Variants in TMCO5A observed in about 807,000 individuals in gnomAD.
TMCO5A encodes the protein transmembrane and coiled-coil domains 5A, also known as transmembrane and coiled-coil domain-containing protein 5A.
In TMCO5A, 34 loss-of-function variants were observed where a neutral mutation model predicts 42.3. That is an observed-to-expected ratio of 0.80 (90% CI 0.61 to 1.07). The LOEUF is 1.07. Among genes scored for constraint, TMCO5A ranks in the 50% least tolerant of loss-of-function variants. The pLI, the probability that TMCO5A is intolerant of heterozygous loss-of-function variation, is 0.00. For missense variants in TMCO5A, 357 were observed against 327.9 expected (o/e 1.09, Z -0.69); for synonymous variants, 131 against 115.6 (o/e 1.13, Z -0.86).
At chr15:37,958,175 C>T (rs1265156927) in intron 11 of TMCO5A, among the ~76,000 whole-genome samples, 2 of 152,082 alleles carry the variant, frequency 1.3e-5, no homozygotes, top group African/African-American at 4.8e-5. Flanking sequence ...AGGACATAGG[C>T]ATGAGCAAAT....
chr15:38,026,406 A>T, the TMCO5A span, among the ~76,000 whole-genome samples: 1 of 152,162 alleles, frequency 6.6e-6, no homozygotes, highest in Non-Finnish European at 1.5e-5. Context: ...TGGAACTTTG[A>T]ACTTGAGAGA....
chr15:37,936,899 GAGA>G lies in TMCO5A; in HGVS notation c.196_198del (p.Lys66del). ...GGGCCTGGTGGAAGATGAAGAGTGG[GAGA>G]AGGAGAACCGCACCACGATGGAAAG... is the stretch of plus-strand genomic sequence containing the variant. On this transcript the variant is annotated inframe_deletion, in exon 4 of 12. Coordinates refer to ENST00000319669, the MANE Select transcript of TMCO5A (RefSeq NM_152453.4). 3 of 1,612,610 alleles carry G rather than the reference GAGA, an allele frequency of 1.9e-6. No individual in the cohort carries two copies. The highest frequency in any genetic ancestry group is 2.5e-6 in the Non-Finnish European group (3 of 1,179,192).
At position 37,942,224 on chromosome 15, in the gene TMCO5A, G is replaced by A. The variant is rs367993801; in HGVS notation, c.538G>A (p.Glu180Lys). Residue 180 changes from glutamate to lysine, a missense_variant, in exon 9 of 12, where the codon GAA (glutamate) becomes AAA (lysine). Transcript: ENST00000319669. The stretch of plus-strand genomic sequence containing the variant: ...GGAAACGTTGAAGAAAATAGAAGAA[G>A]AACTAGAGGCTCTGTTCCTTGAGAG... ...YQETLKKIEE[E>K]LEALFLEREV... 2 of 1,612,900 alleles carry A rather than the reference G, an allele frequency of 1.2e-6. No homozygotes were observed. The highest frequency in any genetic ancestry group is 1.7e-6 in the Non-Finnish European group (2 of 1,179,244).
chr15:37,955,613 C>T (rs7166573), downstream of TMCO5A, among the ~76,000 whole-genome samples: 1,216 of 152,218 alleles, frequency 8.0e-3, 15 homozygotes, highest in African/African-American at 0.028. Flanking sequence ...CAGAGACCTA[C>T]AAAGAGACTT....
At chr15:37,984,321 CAG>C in the TMCO5A span, among the ~76,000 whole-genome samples, 1 of 151,956 alleles carries the variant, frequency 6.6e-6, no homozygotes, top group Non-Finnish European at 1.5e-5. Context: ...AACTGGGAGA[CAG>C]AGAAGCAGTA....
chr15:37,998,327 T>C, the TMCO5A span, among the ~76,000 whole-genome samples: 10 of 152,184 alleles, frequency 6.6e-5, no homozygotes, highest in Non-Finnish European at 7.4e-5. Flanking sequence ...AGTTTCATAG[T>C]TTGAGGTTTT....
chr15:38,023,160 A>G, the TMCO5A span, among the ~76,000 whole-genome samples: 2,566 of 152,318 alleles, frequency 0.017, 63 homozygotes, highest in African/African-American at 0.057. Flanking sequence ...CAGTAATCGA[A>G]GCAGTGTGGC....
chr15:37,975,515 C>T, the TMCO5A span, among the ~76,000 whole-genome samples: 1 of 150,994 alleles, frequency 6.6e-6, no homozygotes, highest in Non-Finnish European at 1.5e-5. Context: ...CTTTTGATTA[C>T]CATTGGTTTA....
the TMCO5A span, among the ~76,000 whole-genome samples, chr15:37,997,515 C>T: frequency 7.2e-5 from 11 of 152,270 alleles, no homozygotes; most frequent in Non-Finnish European, 1.5e-4. Flanking sequence ...TTCAGTTCCA[C>T]CCATGTTATT....
chr15:37,982,997 G>A, the TMCO5A span, among the ~76,000 whole-genome samples: 2 of 151,614 alleles, frequency 1.3e-5, no homozygotes, highest in Non-Finnish European at 2.9e-5. Flanking sequence ...CCTCATCGTA[G>A]CCTAAAATAA....
At chr15:38,005,804 A>C in the TMCO5A span, among the ~76,000 whole-genome samples, 2 of 152,186 alleles carry the variant, frequency 1.3e-5, no homozygotes, top group African/African-American at 4.8e-5. Context: ...TTAACAGGTC[A>C]TATGAACTTT....
At chr15:37,991,485 A>G in the TMCO5A span, among the ~76,000 whole-genome samples, 1 of 152,064 alleles carries the variant, frequency 6.6e-6, no homozygotes, top group African/African-American at 2.4e-5. Flanking sequence ...GTTTACATTT[A>G]TGTCTTTTAT....
chr15:37,966,483 ATACCC>A (rs1890559193), intron 11 of TMCO5A: 9 of 660,090 alleles, frequency 1.4e-5, no homozygotes, highest in South Asian at 5.1e-5. Flanking sequence ...AACATCTCAT[ATACCC>A]CATAAATATA....
In TMCO5A at chr15:37,936,342, G is replaced by C; in HGVS notation, c.19G>C (p.Ala7Pro). The C allele has an allele frequency of 3.7e-6, 6 of 1,612,328 alleles. No homozygotes were observed. Among genetic ancestry groups the C allele is most frequent in the Non-Finnish European group, 5.1e-6 (6 of 1,179,172 alleles). ...GGAGAAAATGGAAATCTCAAGATTG[G>C]CTCAGTCAAAAAGAAACATTATCAG... The part of the protein sequence containing the change: MEISRL[A>P]QSKRNIISLN... Residue 7 changes from alanine to proline, a missense_variant, in exon 3 of 12, where the codon GCT (alanine) becomes CCT (proline). Ala to Pro is a conservative substitution (Grantham distance 27). Transcript: ENST00000319669.
the TMCO5A span, among the ~76,000 whole-genome samples, chr15:38,029,133 G>A: frequency 6.6e-6 from 1 of 152,102 alleles, no homozygotes. Flanking sequence ...AAAGGCCAGT[G>A]GGAGTAGTGA....
chr15:38,036,645 C>G, the TMCO5A span, among the ~76,000 whole-genome samples: 1 of 152,152 alleles, frequency 6.6e-6, no homozygotes, highest in African/African-American at 2.4e-5. Flanking sequence ...ATTTCTGCCG[C>G]CACCACTCCC....
the TMCO5A span, among the ~76,000 whole-genome samples, chr15:38,008,054 C>A: frequency 1.3e-5 from 2 of 151,792 alleles, no homozygotes; most frequent in Non-Finnish European, 2.9e-5. Flanking sequence ...TGCCACCACG[C>A]CTGGCTAATT....
chr15:37,949,763 T>C (rs943253576), intron 11 of TMCO5A, among the ~76,000 whole-genome samples: 32 of 151,964 alleles, frequency 2.1e-4, no homozygotes, highest in African/African-American at 7.5e-4. Flanking sequence ...TGCTACATAA[T>C]AAATTACCCC....
chr15:37,965,176 T>C (rs1291687862), intron 11 of TMCO5A, among the ~76,000 whole-genome samples: 2 of 152,138 alleles, frequency 1.3e-5, no homozygotes, highest in South Asian at 4.1e-4. Flanking sequence ...GACAGTCTCT[T>C]CAATAAACGG....
Sources: gnomAD v4.1 joint callset for allele counts (sites outside exome capture counted in the v4.1 genomes callset) on GRCh38, gnomAD v4.1.1 for gene constraint, MANE v1.5 for transcripts, NCBI Gene and HGNC (gene_info 2026-07-23, HGNC 2026-07-21) for gene names.